WDPCP: variants seen among roughly 807,000 people sequenced by gnomAD.
WDPCP encodes the protein WD repeat-containing and planar cell polarity effector protein fritz homolog.
Under a neutral mutation model 93.1 loss-of-function variants are expected in WDPCP, and 71 were observed. The observed-to-expected ratio is 0.76, with a 90% CI of 0.63 to 0.93. The LOEUF is 0.93. WDPCP is among the 40% of genes least tolerant of loss of function. The pLI is 0.00. For missense variants in WDPCP, 844 were observed against 887.4 expected (o/e 0.95, Z 0.62); for synonymous variants, 315 against 315.0 (o/e 1.00, Z 0.00).
chr2:63,405,741 A>G (rs1694527357), intron 9 of WDPCP, among the ~76,000 whole-genome samples: 2 of 152,168 alleles, frequency 1.3e-5, no homozygotes, highest in Admixed American at 1.3e-4. Flanking sequence ...AAGAACATCA[A>G]ATAAAACCAC....
At chr2:63,234,578 C>T (rs1679217229) in intron 14 of WDPCP, among the ~76,000 whole-genome samples, 1 of 152,100 alleles carries the variant, frequency 6.6e-6, no homozygotes, top group African/African-American at 2.4e-5. Context: ...TACATATAAT[C>T]AAGAAAGCTG....
chr2:63,239,316 GCATTT>G (rs1679678554), intron 14 of WDPCP, among the ~76,000 whole-genome samples: 1 of 152,086 alleles, frequency 6.6e-6, no homozygotes, highest in South Asian at 2.1e-4. Flanking sequence ...TGGGTTCAGG[GCATTT>G]CATTTTCTTT....
intron 1 of WDPCP, among the ~76,000 whole-genome samples, chr2:63,536,652 TGAAGTGCATCA>T (rs1228078781): frequency 2.6e-5 from 4 of 151,892 alleles, no homozygotes; most frequent in Admixed American, 6.6e-5. Context: ...TAATATACTT[TGAAGTGCATCA>T]GAAGTGCATC....
chr2:63,503,365 T>C (rs1701672683), intron 1 of WDPCP, among the ~76,000 whole-genome samples: 2 of 152,218 alleles, frequency 1.3e-5, no homozygotes, highest in Non-Finnish European at 2.9e-5. Flanking sequence ...TCATTTTAAA[T>C]ATTTTGCTGC....
intron 17 of WDPCP, among the ~76,000 whole-genome samples, chr2:63,131,450 T>C (rs987841373): frequency 2.6e-5 from 4 of 152,218 alleles, no homozygotes; most frequent in African/African-American, 9.6e-5. Context: ...TAATCTTCAT[T>C]AGCATACAAA....
intron 14 of WDPCP, among the ~76,000 whole-genome samples, chr2:63,245,858 G>A (rs1353765753): frequency 6.6e-6 from 1 of 152,106 alleles, no homozygotes; most frequent in Non-Finnish European, 1.5e-5. Context: ...AATAAATCAG[G>A]ATAACTGGGG....
In WDPCP at chr2:63,789,688, T is replaced by G. The variant is rs1186452629; in HGVS notation, n.308+23934A>C. 2.0e-5 allele frequency among the ~76,000 whole-genome samples: 3 copies of G among 152,234 alleles called. 1 individual carries two copies. Among genetic ancestry groups the G allele is most frequent in the Non-Finnish European group, 4.4e-5 (3 of 68,040 alleles). On this transcript the variant is annotated intron_variant and non_coding_transcript_variant, in intron 2 of 4. Transcript: ENST00000467687. Reference sequence around the variant, plus strand: ...ATATTTTTCCTTATGCTTTCATTTTTGAAAGGTACTGAAATTAATGAAAAG... The same window carrying G: ...ATATTTTTCCTTATGCTTTCATTTTGGAAAGGTACTGAAATTAATGAAAAG...
chr2:63,515,903 C>T (rs12474106), intron 1 of WDPCP, among the ~76,000 whole-genome samples: 7,302 of 151,964 alleles, frequency 0.048, 268 homozygotes, highest in Non-Finnish European at 0.077. Context: ...GTCTGTAATC[C>T]CAGCTACTTG....
chr2:63,327,724 T>C (rs4578846), intron 12 of WDPCP, among the ~76,000 whole-genome samples: 121,759 of 152,064 alleles, frequency 0.8, 49,618 homozygotes, highest in East Asian at 0.96. Flanking sequence ...CGTCTTCTCC[T>C]CTTTCTAGGT....
intron 1 of WDPCP, among the ~76,000 whole-genome samples, chr2:63,540,645 T>C (rs946268115): frequency 1.2e-4 from 18 of 152,188 alleles, no homozygotes; most frequent in Non-Finnish European, 2.5e-4. Flanking sequence ...AAATATGAAA[T>C]GCAAAAAGTA....
At chr2:63,158,153 T>C (rs1285363586) in intron 15 of WDPCP, among the ~76,000 whole-genome samples, 3 of 152,202 alleles carry the variant, frequency 2.0e-5, no homozygotes, top group African/African-American at 7.2e-5. Flanking sequence ...TATTTATTTC[T>C]AATCTATTCC....
At chr2:63,696,675 T>C (rs189190578) in intron 2 of WDPCP, among the ~76,000 whole-genome samples, 47 of 152,256 alleles carry the variant, frequency 3.1e-4, no homozygotes, top group Non-Finnish European at 6.0e-4. Flanking sequence ...ATGGTAGCAA[T>C]TGGGTAATTG....
chr2:63,382,148 A>T, intron 10 of WDPCP, 54 bp from the exon 11 acceptor site: 1 of 1,533,486 alleles, frequency 6.5e-7, no homozygotes, highest in East Asian at 2.4e-5. Flanking sequence ...ATAGAATAAC[A>T]AAAAGAGTTA....
chr2:63,268,898 G>A (rs1326508950), intron 13 of WDPCP, among the ~76,000 whole-genome samples: 1 of 152,000 alleles, frequency 6.6e-6, no homozygotes, highest in African/African-American at 2.4e-5. Flanking sequence ...ACATCACATT[G>A]TACCCCACAA....
intron 3 of WDPCP, among the ~76,000 whole-genome samples, chr2:63,626,289 A>G (rs113419088): frequency 0.2 from 29,869 of 152,192 alleles, 3,789 homozygotes; most frequent in Non-Finnish European, 0.26. Flanking sequence ...CAAAGACTTC[A>G]TGACCAAAAT....
At chr2:63,369,432 G>C (rs1334474547) in intron 12 of WDPCP, 1 of 456,598 alleles carries the variant, frequency 2.2e-6, no homozygotes, top group East Asian at 7.0e-5. Flanking sequence ...TCTTATAAAA[G>C]TGGTCCTCTA....
chr2:63,263,443 A>G (rs1681825840), intron 13 of WDPCP, among the ~76,000 whole-genome samples: 1 of 152,124 alleles, frequency 6.6e-6, no homozygotes, highest in South Asian at 2.1e-4. Context: ...GTAAAAGTGA[A>G]TTTGGCCCAA....
intron 3 of WDPCP, among the ~76,000 whole-genome samples, chr2:63,644,231 C>A (rs1710020104): frequency 7.2e-6 from 1 of 139,478 alleles, no homozygotes; most frequent in Non-Finnish European, 1.5e-5. Flanking sequence ...GCAAGTATTT[C>A]TTTCTCCTCT....
intron 2 of WDPCP, among the ~76,000 whole-genome samples, chr2:63,681,434 G>A (rs1428913270): frequency 6.6e-6 from 1 of 152,168 alleles, no homozygotes; most frequent in South Asian, 2.1e-4. Context: ...TGGTGGTGGT[G>A]GTCATGGAGT....
Sources: allele counts gnomAD v4.1 joint callset (sites outside exome capture counted in the v4.1 genomes callset), GRCh38; gene constraint gnomAD v4.1.1; transcripts MANE v1.5; gene names NCBI Gene and HGNC (gene_info 2026-07-23, HGNC 2026-07-21).